Variants in USH1C observed in about 807,000 individuals in gnomAD.
USH1C encodes USH1 protein network component harmonin.
A neutral mutation model predicts 119.3 loss-of-function variants in USH1C; 90 were observed. The ratio of observed to expected loss-of-function variants is 0.75; its 90% CI spans 0.64 to 0.90. The LOEUF (loss-of-function observed/expected upper bound fraction) is 0.90, where lower values mean the gene tolerates loss of function less well. Among genes scored for constraint, USH1C ranks in the 40% least tolerant of loss-of-function variants. The pLI is 0.00. For missense variants in USH1C, 1,165 were observed against 1,167.7 expected (o/e 1.00, Z 0.03); for synonymous variants, 465 against 443.3 (o/e 1.05, Z -0.62).
intron 11 of USH1C, 79 bp downstream of exon 11, chr11:17,523,132 G>T (rs1347106630): frequency 1.3e-6 from 2 of 1,586,508 alleles, no homozygotes; most frequent in East Asian, 2.2e-5. Flanking sequence ...GCCACCCTGG[G>T]AGTGTGTGGC....
intron 22 of USH1C, 60 bp downstream of exon 22, chr11:17,501,422 G>A: frequency 6.4e-7 from 1 of 1,574,704 alleles, no homozygotes; most frequent in Non-Finnish European, 8.7e-7. Flanking sequence ...AGGAGACCAA[G>A]GGAGGAGGGG....
chr11:17,521,479 A>G, intron 12 of USH1C, 68 bp from the exon 13 acceptor site: 1 of 1,541,306 alleles, frequency 6.5e-7, no homozygotes, highest in Non-Finnish European at 9.0e-7. Context: ...CTTACTGTGA[A>G]TTCTTGATTT....
At chr11:17,532,444 C>G (rs958372309) in intron 2 of USH1C, among the ~76,000 whole-genome samples, 1 of 152,028 alleles carries the variant, frequency 6.6e-6, no homozygotes, top group African/African-American at 2.4e-5. Context: ...ACTACAGGCA[C>G]GCGCCACCAT....
chr11:17,541,812 G>A (rs557191507), intron 1 of USH1C, among the ~76,000 whole-genome samples: 2 of 152,326 alleles, frequency 1.3e-5, no homozygotes, highest in South Asian at 2.1e-4. Flanking sequence ...TGTGGTTACT[G>A]TGGGCCCAGA....
At chr11:17,530,314 AGGTGTGG>A in intron 4 of USH1C, among the ~76,000 whole-genome samples, 1 of 152,304 alleles carries the variant, frequency 6.6e-6, no homozygotes, top group East Asian at 1.9e-4. Context: ...TCAGGCCCTG[AGGTGTGG>A]GGACCCCAAA....
At chr11:17,495,821 G>A (rs1329274377) in intron 25 of USH1C, 144 bp from the exon 26 acceptor site, 2 of 838,454 alleles carry the variant, frequency 2.4e-6, no homozygotes, top group East Asian at 2.8e-5. Flanking sequence ...GCGAGACCCT[G>A]GTTTCTCCAA....
At chr11:17,543,207 T>C (rs1851545228) in intron 1 of USH1C, among the ~76,000 whole-genome samples, 1 of 152,234 alleles carries the variant, frequency 6.6e-6, no homozygotes, top group Admixed American at 6.5e-5. Flanking sequence ...TGGGCTCCTA[T>C]GGGCCTCTTT....
chr11:17,514,459 T>G (rs1330292441), intron 15 of USH1C: 2 of 152,258 alleles, frequency 1.3e-5, no homozygotes, highest in Non-Finnish European at 2.9e-5. Context: ...CCTCACGTGA[T>G]TCGCCTGTCT....
intron 20 of USH1C, 98 bp downstream of exon 20, chr11:17,504,549 G>C: frequency 7.3e-7 from 1 of 1,371,818 alleles, no homozygotes; most frequent in Non-Finnish European, 1.0e-6. Flanking sequence ...GGCCACCATG[G>C]ACCTGACCAG....
chr11:17,517,274 C>G, intron 14 of USH1C: 1 of 989,878 alleles, frequency 1.0e-6, no homozygotes, highest in Non-Finnish European at 1.5e-6. Flanking sequence ...CTTGGAGGAG[C>G]TTTACAGACT....
chr11:17,528,736 T>G (rs1850825976), intron 4 of USH1C, among the ~76,000 whole-genome samples: 2 of 152,032 alleles, frequency 1.3e-5, no homozygotes, highest in South Asian at 4.2e-4. Flanking sequence ...TCCCTCCCAC[T>G]CCGGGACACA....
intron 25 of USH1C, among the ~76,000 whole-genome samples, chr11:17,496,307 T>C (rs1175042815): frequency 6.6e-6 from 1 of 152,110 alleles, no homozygotes; most frequent in East Asian, 1.9e-4. Flanking sequence ...TCCCACAGCG[T>C]GGGGACAAAA....
rs76481637 is a variant in USH1C at position 17,499,868 on chromosome 11, C to T, written c.2380+1183G>A. Among the ~76,000 whole-genome samples the T allele has an allele frequency of 7.8e-3, 1,182 of 152,348 alleles. 17 individuals are homozygous for T. The highest frequency in any genetic ancestry group is 0.027 in the African/African-American group (1,132 of 41,580). On this transcript the variant is annotated intron_variant, in intron 23 of 26. Coordinates refer to ENST00000005226, the MANE Select transcript of USH1C (RefSeq NM_153676.4). ...CCTCTTACCACCTCCATTCTACCACCTCCAGCTTATGGTACAGCCTGGCTC... is the reference window on the plus strand; with the variant it reads ...CCTCTTACCACCTCCATTCTACCACTTCCAGCTTATGGTACAGCCTGGCTC...
chr11:17,510,358 T>C (rs763903101), intron 17 of USH1C, 47 bp downstream of exon 17: 1 of 1,503,746 alleles, frequency 6.7e-7, no homozygotes, highest in South Asian at 1.1e-5. Flanking sequence ...CAGTGGGTCA[T>C]TCTGAAGACA....
intron 19 of USH1C, among the ~76,000 whole-genome samples, chr11:17,505,026 A>G (rs1849595636): frequency 6.6e-6 from 1 of 152,210 alleles, no homozygotes; most frequent in Non-Finnish European, 1.5e-5. Flanking sequence ...TGACATTTGG[A>G]TAGAGTTTCC....
At chr11:17,498,066 C>T (rs933832521) in intron 24 of USH1C, 96 bp downstream of exon 24, 62 of 1,134,506 alleles carry the variant, frequency 5.5e-5, no homozygotes, top group Non-Finnish European at 8.0e-5. Flanking sequence ...GATGCCCACC[C>T]TGGAATGAGG....
chr11:17,521,401 C>A lies in USH1C; in HGVS notation c.1030G>T (p.Glu344Ter), dbSNP rs1278026061. The change falls in exon 13 of 27, where the codon GAA (glutamate) becomes TAA (stop). Residue 344 changes from glutamate (E) to a stop codon, truncating the protein, a stop_gained. Coordinates refer to ENST00000005226, the MANE Select transcript of USH1C (RefSeq NM_153676.4). LOFTEE classifies it high-confidence loss of function. ...TCCTCTGCTGCCTTCTGGGCAATTT[C>A]TTTTCTCCTTCTGAAACACAAATGC... ...QQEMERQRRK[E>*]IAQKAAEENE... 3 of 1,614,188 alleles carry A rather than the reference C, an allele frequency of 1.9e-6. No homozygotes were observed. The highest frequency in any genetic ancestry group is 1.1e-5 in the South Asian group (1 of 91,084).
chr11:17,527,621 T>C (rs1337745539), intron 4 of USH1C, among the ~76,000 whole-genome samples: 1 of 152,128 alleles, frequency 6.6e-6, no homozygotes, highest in Non-Finnish European at 1.5e-5. Flanking sequence ...ATCTCAGAAC[T>C]CTCTGCACCC....
chr11:17,531,409 G>C lies in USH1C; in HGVS notation c.238C>G (p.Arg80Gly), dbSNP rs774005703. 3.4e-5 allele frequency: 55 copies of C among 1,613,304 alleles called. No individual in the cohort carries two copies. The highest frequency in any genetic ancestry group is 2.3e-4 in the Admixed American group (14 of 59,924). The change falls in exon 3 of 27, where the codon CGG (arginine) becomes GGG (glycine). Residue 80 changes from arginine to glycine, a missense_variant. Coordinates refer to ENST00000005226, the MANE Select transcript of USH1C (RefSeq NM_153676.4). This position sits in a 1 kb window ranked among gnomAD's most constrained non-coding sequence, Gnocchi z 4.2. ...HQVEYDQLTPRRSRKLKEVRL... is the reference protein window; with the variant it reads ...HQVEYDQLTPGRSRKLKEVRL... Reference sequence around the variant, plus strand: ...TGGCTTCCTCTGCACCTGGAGCGCCGGGGGGTCAGCTGATCATATTCCACC... The same window carrying C: ...TGGCTTCCTCTGCACCTGGAGCGCCCGGGGGTCAGCTGATCATATTCCACC...
Sources: gnomAD v4.1 joint callset for allele counts (sites outside exome capture counted in the v4.1 genomes callset) on GRCh38, gnomAD v4.1.1 for gene constraint, Gnocchi (gnomAD v3.1) non-coding constraint, MANE v1.5 for transcripts, NCBI Gene and HGNC (gene_info 2026-07-23, HGNC 2026-07-21) for gene names.